Variants in PMVK observed in about 807,000 individuals in gnomAD.
The protein encoded by PMVK is testis tissue sperm-binding protein Li 95mP.
PMVK carries 10 observed loss-of-function variants against 19.0 expected under a neutral mutation model. The ratio of observed to expected loss-of-function variants is 0.53; its 90% CI spans 0.32 to 0.89. PMVK has a LOEUF of 0.89. Ranked by LOEUF, PMVK falls within the 40% of genes least tolerant of loss-of-function variation. The probability of loss-of-function intolerance (pLI) is 0.03; values close to 1 mark genes in which losing one functional copy is unlikely to be tolerated. For synonymous variants in PMVK, 108 were observed against 101.6 expected (o/e 1.06, Z -0.38); for missense variants, 222 against 251.1 (o/e 0.88, Z 0.78).
intron 3 of PMVK, among the ~76,000 whole-genome samples, chr1:154,926,908 G>C (rs940764274): frequency 2.0e-4 from 30 of 152,032 alleles, no homozygotes; most frequent in African/African-American, 6.3e-4. Context: ...ACCTCAACAC[G>C]GCTGAAACTC....
chr1:154,941,305 G>A (rs1173394620), upstream of PMVK, among the ~76,000 whole-genome samples: 2 of 152,236 alleles, frequency 1.3e-5, no homozygotes, highest in Admixed American at 6.5e-5. Context: ...GGTTACCAAA[G>A]AGATGGGTGG....
chr1:154,932,896 T>G (rs1654381289), intron 1 of PMVK, among the ~76,000 whole-genome samples: 1 of 151,600 alleles, frequency 6.6e-6, no homozygotes, highest in South Asian at 2.1e-4. Context: ...AGGCCAGGAG[T>G]TCAAGACCAG....
intron 1 of PMVK, chr1:154,936,378 T>G (rs1486639213): frequency 2.0e-6 from 2 of 985,006 alleles, no homozygotes; most frequent in Non-Finnish European, 2.4e-6. Context: ...GCTGAAGGTC[T>G]TTGGAGAGGT....
intron 3 of PMVK, among the ~76,000 whole-genome samples, chr1:154,927,377 G>C (rs1486687015): frequency 6.8e-6 from 1 of 147,498 alleles, no homozygotes; most frequent in African/African-American, 2.6e-5. Flanking sequence ...AAACCCACAA[G>C]GCAGAGGGTA....
upstream of PMVK, among the ~76,000 whole-genome samples, chr1:154,940,364 A>T (rs147627912): frequency 7.9e-5 from 12 of 152,304 alleles, no homozygotes; most frequent in Middle Eastern, 3.4e-3. Context: ...TAAGTGCCCC[A>T]TGCTGGTGAG....
At chr1:154,925,838 G>A (rs976479831) in intron 4 of PMVK, among the ~76,000 whole-genome samples, 11 of 152,220 alleles carry the variant, frequency 7.2e-5, no homozygotes, top group African/African-American at 2.7e-4. Flanking sequence ...GCCTGGACAT[G>A]TGAGTGCCCC....
At chr1:154,929,654 T>A (rs1654278312) in intron 2 of PMVK, among the ~76,000 whole-genome samples, 1 of 151,832 alleles carries the variant, frequency 6.6e-6, no homozygotes, top group African/African-American at 2.4e-5. Context: ...CCCCTTCCCA[T>A]CCCCAAATTC....
At chr1:154,931,087 C>G (rs147016720) in intron 2 of PMVK, among the ~76,000 whole-genome samples, 13 of 151,526 alleles carry the variant, frequency 8.6e-5, no homozygotes, top group African/African-American at 2.9e-4. Flanking sequence ...GACCTTGTCT[C>G]AAAAAGAAAA....
Position 154,925,158 on chromosome 1 carries a change from G to T in PMVK, c.550C>A (p.Leu184Met). Residue 184 changes from leucine (L) to methionine (M), a missense_variant, in exon 5 of 5, where the codon CTG (leucine) becomes ATG (methionine). Leu to Met is a conservative substitution (Grantham distance 15, BLOSUM62 2). Transcript: ENST00000368467. ...EQRLEEQLEN[L>M]IEFIRSRL ...AGTCTGGAGCGGATAAATTCTATCA[G>T]GTTCTCCAACTGCTCCTCCAGGCGC... is the stretch of plus-strand genomic sequence containing the variant. 2 of 1,604,888 alleles carry T rather than the reference G, an allele frequency of 1.2e-6. No homozygotes were observed. The highest frequency in any genetic ancestry group is 1.7e-6 in the Non-Finnish European group (2 of 1,176,206).
intron 4 of PMVK, among the ~76,000 whole-genome samples, 153 bp from the exon 5 acceptor site, chr1:154,925,418 C>G (rs1654118942): frequency 6.6e-6 from 1 of 152,226 alleles, no homozygotes. Context: ...CTCCCTACCC[C>G]TGAAACACTG....
chr1:154,926,597 C>T (rs1654172961), intron 3 of PMVK, 114 bp from the exon 4 acceptor site: 2 of 800,648 alleles, frequency 2.5e-6, no homozygotes, highest in East Asian at 2.6e-5. Flanking sequence ...CCCCCATCAT[C>T]GTGAGCATGT....
rs1271485908 is a variant in PMVK, at chr1:154,924,966, C to T, written c.*163G>A. The T allele has an allele frequency of 1.4e-6, 1 of 728,920 alleles. No homozygotes were observed. Among genetic ancestry groups the T allele is most frequent in the Admixed American group, 2.2e-5 (1 of 44,754 alleles). 45.2% of individuals were successfully genotyped at this position (728,920 alleles called of 1,614,324 possible). ...GTCTTCCCCATGGAGAAAATGAGGT[C>T]TCCAGAGGTTTCCTGCCTTGCCCAA... On this transcript the variant is annotated 3_prime_UTR_variant, in exon 5 of 5. Coordinates refer to ENST00000368467, the MANE Select transcript of PMVK (RefSeq NM_006556.4).
At chr1:154,927,090 T>C (rs1654187627) in intron 3 of PMVK, among the ~76,000 whole-genome samples, 1 of 151,994 alleles carries the variant, frequency 6.6e-6, no homozygotes, top group South Asian at 2.1e-4. Context: ...ACACGCAAAA[T>C]TGACCCCTTC....
intron 1 of PMVK, among the ~76,000 whole-genome samples, chr1:154,933,281 A>G (rs1654395385): frequency 6.6e-6 from 1 of 151,704 alleles, no homozygotes; most frequent in South Asian, 2.1e-4. Flanking sequence ...TAAAAGCATA[A>G]AATTAGCCGG....
At chr1:154,935,187 T>A (rs1350326412) in intron 1 of PMVK, among the ~76,000 whole-genome samples, 1 of 151,902 alleles carries the variant, frequency 6.6e-6, no homozygotes, top group Admixed American at 6.6e-5. Context: ...AGCCTGTGCT[T>A]CGGACCACTA....
chr1:154,937,578 A>G (rs1654550058), upstream of PMVK: 1 of 144,964 alleles, frequency 6.9e-6, no homozygotes, highest in Non-Finnish European at 1.6e-5. Context: ...CTTTCCCTGC[A>G]TCCCCGGTTC....
chr1:154,926,667 C>T (rs1654174690), intron 3 of PMVK, among the ~76,000 whole-genome samples, 184 bp from the exon 4 acceptor site: 1 of 152,194 alleles, frequency 6.6e-6, no homozygotes, highest in African/African-American at 2.4e-5. Flanking sequence ...CCACTGAGTG[C>T]TGACTACATG....
At chr1:154,941,570 C>A (rs1343713260), upstream of PMVK, among the ~76,000 whole-genome samples, 6 of 152,158 alleles carry the variant, frequency 3.9e-5, no homozygotes, top group Admixed American at 6.5e-5. Flanking sequence ...TCAGGGTAAC[C>A]CTGGGAGGTT....
chr1:154,940,712 C>T (rs1404033680), upstream of PMVK, among the ~76,000 whole-genome samples: 1 of 152,188 alleles, frequency 6.6e-6, no homozygotes, highest in African/African-American at 2.4e-5. Context: ...TAAAATTCTG[C>T]TTTGTATGCA....
Sources: allele counts gnomAD v4.1 joint callset (sites outside exome capture counted in the v4.1 genomes callset), GRCh38; gene constraint gnomAD v4.1.1; transcripts MANE v1.5; gene names NCBI Gene and HGNC (gene_info 2026-07-23, HGNC 2026-07-21).